CSMD1: variants seen among roughly 807,000 people sequenced by gnomAD.
CSMD1 encodes the protein CUB and Sushi multiple domains 1, also known as CUB and sushi domain-containing protein 1.
Under a neutral mutation model 417.5 loss-of-function variants are expected in CSMD1, and 213 were observed. The ratio of observed to expected loss-of-function variants is 0.51; its 90% confidence interval spans 0.46 to 0.57. CSMD1 has a LOEUF of 0.57. Ranked by LOEUF, CSMD1 falls within the 20% of genes least tolerant of loss-of-function variation. The pLI is 0.00. For synonymous variants in CSMD1, 2,862 were observed against 1,736.8 expected (o/e 1.65, Z -16.11); for missense variants, 6,923 against 4,529.7 (o/e 1.53, Z -15.17).
rs1807283070 is a variant in CSMD1, at chr8:3,895,271, GCTTT to G, written c.818+102628_818+102631del. 2.6e-5 allele frequency among the ~76,000 whole-genome samples: 4 copies of G among 152,168 alleles called. No homozygotes were observed. The East Asian group carries it at 7.7e-4, about 29-fold the overall frequency. On this transcript the variant is annotated intron_variant, in intron 5 of 69. Transcript: ENST00000635120. ...TACAACAACAAAGAGATGGTCTACTGCTTTCTATTTAAATTATGTAAAGTAAACC... is the reference window on the plus strand; with the variant it reads ...TACAACAACAAAGAGATGGTCTACTGCTATTTAAATTATGTAAAGTAAACC...
At chr8:3,258,303 T>C (rs1800807162) in intron 26 of CSMD1, among the ~76,000 whole-genome samples, 1 of 152,116 alleles carries the variant, frequency 6.6e-6, no homozygotes, top group African/African-American at 2.4e-5. Context: ...CAGACACTTT[T>C]TAAAAGAAGA....
At chr8:3,019,829 C>T (rs1354551102) in intron 51 of CSMD1, among the ~76,000 whole-genome samples, 2 of 152,206 alleles carry the variant, frequency 1.3e-5, no homozygotes, top group Admixed American at 6.5e-5. Flanking sequence ...AAGATCATGG[C>T]CTCTCAGGGG....
At chr8:4,204,053 A>G (rs1053620273) in intron 3 of CSMD1, among the ~76,000 whole-genome samples, 1 of 152,268 alleles carries the variant, frequency 6.6e-6, no homozygotes. Context: ...GTGAGCTGAG[A>G]TTGTGCCACT....
At chr8:3,081,681 A>G (rs1336111428) in intron 49 of CSMD1, among the ~76,000 whole-genome samples, 4 of 152,182 alleles carry the variant, frequency 2.6e-5, no homozygotes, top group Non-Finnish European at 5.9e-5. Context: ...ACTGTTATTT[A>G]TTTTGTGGTA....
intron 2 of CSMD1, among the ~76,000 whole-genome samples, chr8:4,554,299 G>A (rs1212784622): frequency 1.3e-5 from 2 of 152,016 alleles, no homozygotes; most frequent in African/African-American, 4.8e-5. Flanking sequence ...ACGATGCCCG[G>A]CTAATTTTCA....
chr8:4,962,188 CTTTT>C (rs5889079), intron 1 of CSMD1, among the ~76,000 whole-genome samples: 2 of 140,588 alleles, frequency 1.4e-5, no homozygotes, highest in African/African-American at 2.7e-5. Flanking sequence ...TAAATTTCTG[CTTTT>C]TTTTTAAAAA....
At chr8:4,041,672 G>A (rs767394887) in intron 3 of CSMD1, among the ~76,000 whole-genome samples, 4 of 152,090 alleles carry the variant, frequency 2.6e-5, no homozygotes, top group Non-Finnish European at 4.4e-5. Context: ...AAGTGAGCCA[G>A]AAATAAAACA....
At chr8:4,042,211 G>C (rs963670483) in intron 3 of CSMD1, among the ~76,000 whole-genome samples, 1 of 152,092 alleles carries the variant, frequency 6.6e-6, no homozygotes, top group African/African-American at 2.4e-5. Flanking sequence ...AGAACATGAA[G>C]AGCACCATAT....
chr8:3,696,707 G>C (rs561709743), intron 7 of CSMD1, among the ~76,000 whole-genome samples: 3 of 152,236 alleles, frequency 2.0e-5, no homozygotes, highest in African/African-American at 7.2e-5. Context: ...AAGTCCAATT[G>C]TCCATTTTAA....
chr8:4,394,519 C>T (rs1260162420), intron 3 of CSMD1, among the ~76,000 whole-genome samples: 17 of 152,254 alleles, frequency 1.1e-4, no homozygotes, highest in Admixed American at 6.5e-4. Flanking sequence ...TGAGATGAGG[C>T]GCTCATTCAG....
intron 2 of CSMD1, among the ~76,000 whole-genome samples, chr8:4,569,180 G>T (rs560511066): frequency 1.3e-5 from 2 of 152,248 alleles, no homozygotes; most frequent in Admixed American, 6.5e-5. Flanking sequence ...GGCTTTTGTT[G>T]CCATTTCTTT....
intron 7 of CSMD1, among the ~76,000 whole-genome samples, chr8:3,641,337 C>A (rs1053783923): frequency 2.0e-5 from 3 of 152,124 alleles, no homozygotes; most frequent in Admixed American, 6.5e-5. Flanking sequence ...ATGGAACCAA[C>A]AATCCCCAAG....
At chr8:3,648,772 C>T (rs547290369) in intron 7 of CSMD1, among the ~76,000 whole-genome samples, 34 of 152,242 alleles carry the variant, frequency 2.2e-4, no homozygotes, top group African/African-American at 7.5e-4. Flanking sequence ...AAGCAGTATG[C>T]ATTGTATTTA....
chr8:3,743,261 A>C (rs540779252), intron 6 of CSMD1, among the ~76,000 whole-genome samples: 1 of 152,350 alleles, frequency 6.6e-6, no homozygotes, highest in Admixed American at 6.5e-5. Flanking sequence ...TATTCCAGGA[A>C]TTATTCAAGG....
At chr8:3,291,967 G>A (rs1452758295) in intron 25 of CSMD1, among the ~76,000 whole-genome samples, 4 of 151,554 alleles carry the variant, frequency 2.6e-5, no homozygotes, top group Non-Finnish European at 4.4e-5. Flanking sequence ...GGCATTTAGT[G>A]CTATAAATTT....
In CSMD1 at chr8:4,847,229, T is replaced by C. The variant is rs75560535; in HGVS notation, c.85+147103A>G. Among the ~76,000 whole-genome samples the C allele has an allele frequency of 5.7e-3, 869 of 152,326 alleles. 4 individuals carry two copies. The highest frequency in any genetic ancestry group is 0.02 in the African/African-American group (841 of 41,586). ...ATATGAAATTAATTAATGCTTAAAG[T>C]AATAATGCGTTTGATGATGCATTAT... On this transcript the variant is annotated intron_variant, in intron 1 of 69. Transcript: ENST00000635120.
At chr8:4,139,354 C>T (rs954101735) in intron 3 of CSMD1, among the ~76,000 whole-genome samples, 4 of 152,032 alleles carry the variant, frequency 2.6e-5, no homozygotes, top group Admixed American at 1.3e-4. Context: ...ATTTTTTGAC[C>T]AGGTAGAGGG....
At chr8:4,134,527 T>C (rs1040422862) in intron 3 of CSMD1, among the ~76,000 whole-genome samples, 2 of 152,202 alleles carry the variant, frequency 1.3e-5, no homozygotes, top group African/African-American at 4.8e-5. Flanking sequence ...AGAAGATAAC[T>C]CTTGTTGTTT....
intron 7 of CSMD1, among the ~76,000 whole-genome samples, chr8:3,627,245 C>A (rs1198894320): frequency 6.6e-6 from 1 of 152,138 alleles, no homozygotes; most frequent in Non-Finnish European, 1.5e-5. Flanking sequence ...GTGATAAAAA[C>A]CTTCTGTGCA....
Sources: allele counts gnomAD v4.1 joint callset (sites outside exome capture counted in the v4.1 genomes callset), GRCh38; gene constraint gnomAD v4.1.1; transcripts MANE v1.5; gene names NCBI Gene and HGNC (gene_info 2026-07-23, HGNC 2026-07-21).